MAML3: variants seen among roughly 807,000 people sequenced by gnomAD.
The protein encoded by MAML3 is mastermind-like protein 3.
A neutral mutation model predicts 101.9 loss-of-function variants in MAML3; 27 were observed. The ratio of observed to expected loss-of-function variants is 0.27; its 90% confidence interval spans 0.20 to 0.37. MAML3 has a LOEUF of 0.37. Ranked by LOEUF, MAML3 falls within the 10% of genes least tolerant of loss-of-function variation. The pLI is 1.00. For missense variants in MAML3, 1,316 were observed against 1,444.9 expected (o/e 0.91, Z 1.45); for synonymous variants, 501 against 555.9 (o/e 0.90, Z 1.39).
At chr4:140,113,233 A>C (rs1186049620) in intron 1 of MAML3, among the ~76,000 whole-genome samples, 3 of 152,136 alleles carry the variant, frequency 2.0e-5, no homozygotes, top group Non-Finnish European at 4.4e-5. Flanking sequence ...GAGCCGAGAC[A>C]GGGCCACTGA....
At chr4:139,871,110 G>A (rs1328747008) in intron 2 of MAML3, among the ~76,000 whole-genome samples, 1 of 151,674 alleles carries the variant, frequency 6.6e-6, no homozygotes, top group African/African-American at 2.4e-5. Flanking sequence ...ATTTTTTCAT[G>A]GTCATTAGTT....
chr4:139,900,844 A>G (rs1427969622), intron 1 of MAML3, among the ~76,000 whole-genome samples: 1 of 152,196 alleles, frequency 6.6e-6, no homozygotes. Flanking sequence ...ATTGACTGAG[A>G]GCTAACCAGC....
intron 1 of MAML3, among the ~76,000 whole-genome samples, chr4:140,045,676 C>A (rs964894922): frequency 1.3e-5 from 2 of 152,088 alleles, no homozygotes; most frequent in African/African-American, 4.8e-5. Flanking sequence ...TGACTAATTT[C>A]TTAGAAAAAA....
intron 2 of MAML3, among the ~76,000 whole-genome samples, chr4:139,797,052 C>T (rs1253217257): frequency 6.6e-6 from 1 of 152,144 alleles, no homozygotes; most frequent in African/African-American, 2.4e-5. Context: ...GTCAACATGC[C>T]TGGCCAGAGC....
intron 1 of MAML3, among the ~76,000 whole-genome samples, chr4:139,952,040 C>T (rs1733839985): frequency 6.6e-6 from 1 of 152,080 alleles, no homozygotes; most frequent in Non-Finnish European, 1.5e-5. Context: ...CGGCGGGTGC[C>T]TGTGATCCCA....
At chr4:139,722,755 G>T (rs76353954) in intron 4 of MAML3, among the ~76,000 whole-genome samples, 3 of 152,068 alleles carry the variant, frequency 2.0e-5, no homozygotes, top group African/African-American at 7.2e-5. Context: ...TGAGAGTATG[G>T]GATAGGTTCT....
chr4:139,960,517 T>C (rs528558743), intron 1 of MAML3, among the ~76,000 whole-genome samples: 1 of 152,264 alleles, frequency 6.6e-6, no homozygotes, highest in Non-Finnish European at 1.5e-5. Flanking sequence ...GGAGACACGT[T>C]CCAATTTAGG....
Position 139,841,104 on chromosome 4 carries a change from G to T in MAML3, c.2079+48253C>A, listed in dbSNP as rs77129167. Reference sequence around the variant, plus strand: ...CTTCCAGCATTATAAGGGAAGTATGGTCACCAAATTTATCAAGGCAATACT... The same window carrying T: ...CTTCCAGCATTATAAGGGAAGTATGTTCACCAAATTTATCAAGGCAATACT... On this transcript the variant is annotated intron_variant, in intron 2 of 4. Transcript: ENST00000509479. Among the ~76,000 whole-genome samples, 816 of 152,284 alleles carry T rather than the reference G, an allele frequency of 5.4e-3. 10 individuals carry two copies. The highest frequency in any genetic ancestry group is 0.019 in the African/African-American group (793 of 41,550).
intron 1 of MAML3, among the ~76,000 whole-genome samples, chr4:140,138,017 CT>C (rs1728923096): frequency 6.6e-6 from 1 of 152,198 alleles, no homozygotes; most frequent in Admixed American, 6.5e-5. Flanking sequence ...TAAAAAGCCC[CT>C]GAATGATTCA....
chr4:139,959,990 G>A (rs956722562), intron 1 of MAML3, among the ~76,000 whole-genome samples: 3 of 152,124 alleles, frequency 2.0e-5, no homozygotes, highest in African/African-American at 7.2e-5. Flanking sequence ...CAGACAAATT[G>A]AAAAGCAGAG....
At chr4:140,136,526 G>A (rs958405192) in intron 1 of MAML3, among the ~76,000 whole-genome samples, 22 of 152,182 alleles carry the variant, frequency 1.4e-4, no homozygotes, top group African/African-American at 4.6e-4. Flanking sequence ...ATAATCAACC[G>A]CTTATACTTT....
At chr4:140,060,365 C>CAAAAAAAAAAAAAAAAAAA (rs70943471) in intron 1 of MAML3, among the ~76,000 whole-genome samples, 494 of 19,112 alleles carry the variant, frequency 0.026, 202 homozygotes, top group South Asian at 0.03. Flanking sequence ...GACTCTGTCT[C>CAAAAAAAAAAAAAAAAAAA]AAAAAAAAAA....
At chr4:139,806,292 T>C (rs770949519) in intron 2 of MAML3, among the ~76,000 whole-genome samples, 2 of 152,116 alleles carry the variant, frequency 1.3e-5, no homozygotes, top group Non-Finnish European at 2.9e-5. Flanking sequence ...TATATCCTAT[T>C]TTTGAAAAAT....
At chr4:140,052,865 A>C (rs1219668798) in intron 1 of MAML3, among the ~76,000 whole-genome samples, 1 of 152,092 alleles carries the variant, frequency 6.6e-6, no homozygotes, top group Non-Finnish European at 1.5e-5. Context: ...TTTGATGAGA[A>C]GCTCCTTCCC....
intron 2 of MAML3, among the ~76,000 whole-genome samples, chr4:139,818,432 T>C (rs1310456120): frequency 6.6e-6 from 1 of 152,268 alleles, no homozygotes; most frequent in Non-Finnish European, 1.5e-5. Flanking sequence ...TAGTGTGTGC[T>C]CATAAATATT....
At chr4:139,833,555 C>T (rs939302506) in intron 2 of MAML3, among the ~76,000 whole-genome samples, 6 of 152,268 alleles carry the variant, frequency 3.9e-5, no homozygotes, top group African/African-American at 1.2e-4. Context: ...AGAAACAACA[C>T]TTTCTGGCAA....
chr4:140,139,554 G>A (rs764434373), intron 1 of MAML3, among the ~76,000 whole-genome samples: 1 of 152,016 alleles, frequency 6.6e-6, no homozygotes, highest in Non-Finnish European at 1.5e-5. Context: ...CCATAGTAAG[G>A]TTAAGATTTG....
At chr4:139,784,739 C>A (rs1373194051) in intron 2 of MAML3, among the ~76,000 whole-genome samples, 1 of 152,212 alleles carries the variant, frequency 6.6e-6, no homozygotes, top group Non-Finnish European at 1.5e-5. Flanking sequence ...GTTCTTTGGG[C>A]CTTTGCTATG....
intron 2 of MAML3, among the ~76,000 whole-genome samples, chr4:139,842,445 T>C (rs1731377952): frequency 6.6e-6 from 1 of 152,250 alleles, no homozygotes; most frequent in African/African-American, 2.4e-5. Flanking sequence ...AACTCACGTT[T>C]ACTGCATTCA....
Sources: gnomAD v4.1 joint callset for allele counts (sites outside exome capture counted in the v4.1 genomes callset) on GRCh38, gnomAD v4.1.1 for gene constraint, MANE v1.5 for transcripts, NCBI Gene and HGNC (gene_info 2026-07-23, HGNC 2026-07-21) for gene names.